CMTM4: variants seen among roughly 807,000 people sequenced by gnomAD.
CMTM4 encodes CKLF like MARVEL transmembrane domain containing 4, also known as CKLF-like MARVEL transmembrane domain-containing protein 4.
CMTM4 carries 8 observed loss-of-function variants against 19.0 expected under a neutral mutation model. The observed-to-expected ratio is 0.42, with a 90% confidence interval of 0.25 to 0.76. CMTM4 has a LOEUF of 0.76. Ranked by LOEUF, CMTM4 falls within the 30% of genes least tolerant of loss-of-function variation. The pLI, the probability that CMTM4 is intolerant of heterozygous loss-of-function variation, is 0.27. For synonymous variants in CMTM4, 106 were observed against 121.1 expected, an observed-to-expected ratio of 0.88 and a Z score of 0.82; for missense variants, 228 against 290.2, an observed-to-expected ratio of 0.79 and a Z score of 1.56.
rs887165983 is a variant in CMTM4 at position 66,617,473 on chromosome 16, G to A, written c.*4585C>T. 3.1e-5 allele frequency: 46 copies of A among 1,464,386 alleles called. No homozygotes were observed. In the African/African-American group the frequency reaches 6.6e-4, roughly 21 times the overall value. 90.7% of individuals were successfully genotyped at this position (1,464,386 alleles called of 1,614,324 possible). On this transcript the variant is annotated 3_prime_UTR_variant, in exon 4 of 4. Transcript: ENST00000394106. ...AGGACCCACTCCGCTTCAAGCTAAA[G>A]AGTGTACAAAATGCCACTCACTTGC...
At chr16:66,610,703 C>A, downstream of CMTM4, 1 of 397,078 alleles carries the variant, frequency 2.5e-6, no homozygotes. The surrounding 1 kb of genome is among the most constrained non-coding windows in gnomAD (Gnocchi z 4.6). Flanking sequence ...CTGGACCAGG[C>A]GGATGTGCCC....
Position 66,616,896 on chromosome 16 carries a change from C to A in CMTM4, c.*5162G>T. On this transcript the variant is annotated 3_prime_UTR_variant, in exon 4 of 4. Transcript: ENST00000394106. The stretch of plus-strand genomic sequence containing the variant: ...TCAGCACTGTCATCCTAAGGCAACT[C>A]AGACGTGATAGTTTTAGACTATGAT... 6.1e-6 allele frequency: 1 copy of A among 164,154 alleles called. No individual in the cohort carries two copies. The highest frequency in any genetic ancestry group is 1.3e-5 in the Non-Finnish European group (1 of 75,594). The allele number at this position is 164,154 out of a possible 1,614,324, so 10.2% of individuals were successfully genotyped here.
In CMTM4 at chr16:66,696,630, C is replaced by T. The variant is rs1396077646; in HGVS notation, c.-105G>A. The T allele has an allele frequency of 3.3e-6, 2 of 612,270 alleles. No homozygotes were observed. The highest frequency in any genetic ancestry group is 7.1e-5 in the South Asian group (1 of 14,132). 37.9% of individuals were successfully genotyped at this position (612,270 alleles called of 1,614,324 possible). On this transcript the variant is annotated 5_prime_UTR_variant, in exon 1 of 4. Transcript: ENST00000394106. The surrounding 1 kb of genome is among the most constrained non-coding windows in gnomAD (Gnocchi z 4.3). ...GCCGCCGCCGCCGCCGCCGCCGCCG[C>T]CCGACTGACTGCCCGCGGCCCGCCC...
chr16:66,637,188 T>A (rs949202148), intron 1 of CMTM4, among the ~76,000 whole-genome samples: 2 of 152,218 alleles, frequency 1.3e-5, no homozygotes, highest in South Asian at 2.1e-4. Context: ...AATATATTTT[T>A]TGAACTTGAT....
At chr16:66,636,979 A>C (rs1027899190) in intron 1 of CMTM4, among the ~76,000 whole-genome samples, 2 of 152,148 alleles carry the variant, frequency 1.3e-5, no homozygotes, top group Non-Finnish European at 2.9e-5. Context: ...CTCTACCACA[A>C]TTATCCCAAA....
Position 66,619,253 on chromosome 16 carries a change from G to C in CMTM4, c.*2805C>G. The C allele has an allele frequency of 1.0e-6, 1 of 985,412 alleles. No homozygotes were observed. The highest frequency in any genetic ancestry group is 4.7e-5 in the South Asian group (1 of 21,290). The allele number at this position is 985,412 out of a possible 1,614,324, so 61.0% of individuals were successfully genotyped here. On this transcript the variant is annotated 3_prime_UTR_variant, in exon 4 of 4. Transcript: ENST00000394106. Reference sequence around the variant, plus strand: ...AAAAAATACCAAATCCACCCAATCAGTGCCAAAATAAACTTTCTCTGAGGA... The same window carrying C: ...AAAAAATACCAAATCCACCCAATCACTGCCAAAATAAACTTTCTCTGAGGA...
chr16:66,696,577 C>CGGGCGGACTCAGCG lies in CMTM4; in HGVS notation c.-66_-53dup. 3 of 1,097,888 alleles carry CGGGCGGACTCAGCG rather than the reference C, an allele frequency of 2.7e-6. No homozygotes were observed. In the South Asian group the frequency reaches 1.3e-4, roughly 48 times the overall value. 68.0% of individuals were successfully genotyped at this position (1,097,888 alleles called of 1,614,324 possible). On this transcript the variant is annotated 5_prime_UTR_variant, in exon 1 of 4. Transcript: ENST00000394106. The surrounding 1 kb of genome is among the most constrained non-coding windows in gnomAD (Gnocchi z 4.3). ...CGCGGCTGGCTCCCGGCGCCAGGAG[C>CGGGCGGACTCAGCG]GGGCGGACTCAGCGGGGCCGCCGCA...
intron 1 of CMTM4, among the ~76,000 whole-genome samples, chr16:66,637,426 C>T (rs752845936): frequency 1.4e-4 from 21 of 152,018 alleles, no homozygotes; most frequent in Non-Finnish European, 2.6e-4. Context: ...TGCTTGTAAT[C>T]CCAGCTACTC....
intron 2 of CMTM4, among the ~76,000 whole-genome samples, chr16:66,625,389 G>GCGCC (rs2144787047): frequency 6.6e-6 from 1 of 151,194 alleles, no homozygotes; most frequent in African/African-American, 2.4e-5. Context: ...AGCCAAGACT[G>GCGCC]CGCCGCTGCA....
the CMTM4 span, chr16:66,605,061 C>A: frequency 8.9e-6 from 9 of 1,011,406 alleles, no homozygotes; most frequent in Non-Finnish European, 1.2e-5. The surrounding 1 kb of genome is among the most constrained non-coding windows in gnomAD (Gnocchi z 4.6). Flanking sequence ...GCTCCGATAC[C>A]CCCTCTCCGC....
the CMTM4 span, chr16:66,609,615 C>A: frequency 6.6e-7 from 1 of 1,518,434 alleles, no homozygotes; most frequent in Non-Finnish European, 8.9e-7. The surrounding 1 kb of genome is among the most constrained non-coding windows in gnomAD (Gnocchi z 4.4). Flanking sequence ...GAGCCTTTCC[C>A]TGCTGGGGCC....
chr16:66,683,335 A>C (rs1460741690), intron 1 of CMTM4, among the ~76,000 whole-genome samples: 2 of 110,054 alleles, frequency 1.8e-5, no homozygotes, highest in African/African-American at 7.4e-5. Context: ...TCTGTCACCC[A>C]GGCTGGAGTG....
At chr16:66,605,163 T>G in the CMTM4 span, 1 of 441,430 alleles carries the variant, frequency 2.3e-6, no homozygotes, top group Non-Finnish European at 3.9e-6. The surrounding 1 kb of genome is among the most constrained non-coding windows in gnomAD (Gnocchi z 4.6). Flanking sequence ...GCCCAGGCCA[T>G]CCGCGGCGCT....
At chr16:66,609,811 G>A (rs751040486), downstream of CMTM4, 29 of 1,613,918 alleles carry the variant, frequency 1.8e-5, no homozygotes, top group East Asian at 2.9e-4. The surrounding 1 kb of genome is among the most constrained non-coding windows in gnomAD (Gnocchi z 4.4). Context: ...GAAATGGGCC[G>A]TGAGGCTGGG....
At chr16:66,679,852 C>T (rs1055640993) in intron 1 of CMTM4, among the ~76,000 whole-genome samples, 19 of 150,906 alleles carry the variant, frequency 1.3e-4, no homozygotes, top group African/African-American at 4.1e-4. Context: ...AAGATGAGAC[C>T]GATGAGTGAT....
At chr16:66,685,623 G>T (rs1365543665) in intron 1 of CMTM4, among the ~76,000 whole-genome samples, 1 of 151,894 alleles carries the variant, frequency 6.6e-6, no homozygotes, top group Non-Finnish European at 1.5e-5. Context: ...GCCATAACCT[G>T]GGAAAGATTC....
Position 66,686,266 on chromosome 16 carries a change from A to C in CMTM4, c.186+10074T>G, listed in dbSNP as rs573955386. ...AGATTCCGTCTCCAAAAAAAAAAAA[A>C]ACAACAAAGTTCCAGCCAGGCACAG... On this transcript the variant is annotated intron_variant, in intron 1 of 3. Transcript: ENST00000394106. Among the ~76,000 whole-genome samples, 68 of 149,594 alleles carry C rather than the reference A, an allele frequency of 4.5e-4. No individual in the cohort carries two copies. In the Middle Eastern group the frequency reaches 0.017, roughly 38 times the overall value.
At chr16:66,650,903 G>A (rs545038279) in intron 1 of CMTM4, among the ~76,000 whole-genome samples, 24 of 152,276 alleles carry the variant, frequency 1.6e-4, no homozygotes, top group African/African-American at 5.8e-4. Context: ...AAGCTGAGTG[G>A]TGACCACACG....
At chr16:66,672,631 C>T (rs75130181) in intron 1 of CMTM4, among the ~76,000 whole-genome samples, 11,780 of 151,696 alleles carry the variant, frequency 0.078, 620 homozygotes, top group Non-Finnish European at 0.12. Context: ...TTGAGTTACA[C>T]TTTTGTTTTT....
Sources: gnomAD v4.1 joint callset for allele counts (sites outside exome capture counted in the v4.1 genomes callset) on GRCh38, gnomAD v4.1.1 for gene constraint, Gnocchi (gnomAD v3.1) non-coding constraint, MANE v1.5 for transcripts, NCBI Gene and HGNC (gene_info 2026-07-23, HGNC 2026-07-21) for gene names.